The following CAP2 variants were observed in gnomAD, a reference collection of about 807,000 sequenced individuals.
CAP2 encodes the protein cyclase associated actin cytoskeleton regulatory protein 2.
In CAP2, 24 loss-of-function variants were observed where a neutral mutation model predicts 57.7. The ratio of observed to expected loss-of-function variants is 0.42; its 90% CI spans 0.30 to 0.58. The LOEUF is 0.58. CAP2 is among the 20% of genes least tolerant of loss of function. The pLI, the probability that CAP2 is intolerant of heterozygous loss-of-function variation, is 0.22. For synonymous variants in CAP2, 194 were observed against 207.2 expected (o/e 0.94, Z 0.55); for missense variants, 501 against 590.3 (o/e 0.85, Z 1.57).
intron 4 of CAP2, among the ~76,000 whole-genome samples, chr6:17,491,670 T>G (rs371002373): frequency 4.6e-4 from 70 of 152,290 alleles, no homozygotes; most frequent in African/African-American, 1.3e-3. Context: ...GTATTAGCTG[T>G]GGGAGCGAGA....
At chr6:17,415,747 T>A (rs1425613269) in intron 1 of CAP2, among the ~76,000 whole-genome samples, 18 of 152,128 alleles carry the variant, frequency 1.2e-4, no homozygotes, top group African/African-American at 4.3e-4. Flanking sequence ...AGGCAGGTTT[T>A]TAATTGGGCC....
chr6:17,444,864 C>T (rs1458728924), intron 3 of CAP2, among the ~76,000 whole-genome samples: 1 of 149,520 alleles, frequency 6.7e-6, no homozygotes, highest in Non-Finnish European at 1.5e-5. Flanking sequence ...CTGATTTTAT[C>T]ACAGCTGTGA....
intron 3 of CAP2, among the ~76,000 whole-genome samples, chr6:17,442,771 G>A (rs544648225): frequency 6.6e-6 from 1 of 151,238 alleles, no homozygotes; most frequent in African/African-American, 2.4e-5. Flanking sequence ...AGGCTGGAGT[G>A]CAGTGGCAGC....
chr6:17,475,943 T>C (rs138284820), intron 4 of CAP2, among the ~76,000 whole-genome samples: 383 of 152,296 alleles, frequency 2.5e-3, no homozygotes, highest in African/African-American at 9.0e-3. Flanking sequence ...ATCACACAAA[T>C]TGGATTTAAA....
Position 17,426,793 on chromosome 6 carries a change from T to C in CAP2, c.222+103T>C, listed in dbSNP as rs186877048. 181 of 786,432 alleles carry C rather than the reference T, an allele frequency of 2.3e-4. 1 individual carries two copies. The African/African-American group carries it at 2.5e-3, about 11-fold the overall frequency. The allele number at this position is 786,432 out of a possible 1,614,324, so 48.7% of individuals were successfully genotyped here. On this transcript the variant is annotated intron_variant, in intron 3 of 12. Coordinates refer to ENST00000229922, the MANE Select transcript of CAP2 (RefSeq NM_006366.3). ...GGAGATCTTTATTTATTTATTTAGT[T>C]TTTACTCTGGCTAGGCAGATGGTGG...
chr6:17,399,947 C>T (rs1031085216), intron 1 of CAP2, among the ~76,000 whole-genome samples: 2 of 152,090 alleles, frequency 1.3e-5, no homozygotes, highest in Non-Finnish European at 2.9e-5. Context: ...AGTGGCCGGG[C>T]ATGGTGGCTC....
chr6:17,556,240 G>T (rs772455193), intron 12 of CAP2, 119 bp from the exon 13 acceptor site: 1 of 702,924 alleles, frequency 1.4e-6, no homozygotes. Context: ...CAATTCGATC[G>T]AATTTCTTTG....
intron 7 of CAP2, among the ~76,000 whole-genome samples, chr6:17,528,937 C>T (rs981951946): frequency 1.1e-4 from 16 of 152,072 alleles, no homozygotes; most frequent in Non-Finnish European, 2.1e-4. Flanking sequence ...GAAGTGGAGC[C>T]GGGTGCAGTG....
intron 4 of CAP2, among the ~76,000 whole-genome samples, chr6:17,496,166 ATGAAACCC>A (rs1392217858): frequency 2.0e-5 from 3 of 152,128 alleles, no homozygotes; most frequent in Non-Finnish European, 4.4e-5. Flanking sequence ...GCAGGCCTCC[ATGAAACCC>A]TGAAGCTACC....
At chr6:17,449,489 C>T (rs146482921) in intron 3 of CAP2, among the ~76,000 whole-genome samples, 2 of 152,190 alleles carry the variant, frequency 1.3e-5, no homozygotes, top group African/African-American at 4.8e-5. Context: ...TCACTGCAAC[C>T]TCCGCCTCTT....
chr6:17,421,672 T>C lies in CAP2; in HGVS notation c.117T>C (p.Ile39=). Reference sequence around the variant, plus strand: ...ACTGCGGGGAAGTCAATGGTGTCATTGCAGGTAGGGTCACAAACTGTTGTC... The same window carrying C: ...ACTGCGGGGAAGTCAATGGTGTCATCGCAGGTAGGGTCACAAACTGTTGTC... ...PGNCGEVNGV[I]AGVAPSVEAF... Residue 39 remains isoleucine, a synonymous_variant, in exon 2 of 13, where the codon ATT becomes ATC. Transcript: ENST00000229922. 1 of 1,614,208 alleles carries C rather than the reference T, an allele frequency of 6.2e-7. No individual in the cohort carries two copies. The highest frequency in any genetic ancestry group is 1.1e-5 in the South Asian group (1 of 91,086).
At chr6:17,429,707 T>G (rs775649407) in intron 3 of CAP2, among the ~76,000 whole-genome samples, 4 of 151,966 alleles carry the variant, frequency 2.6e-5, no homozygotes, top group African/African-American at 4.8e-5. Flanking sequence ...AGGAAAAGAA[T>G]AGAAGACAGA....
intron 8 of CAP2, among the ~76,000 whole-genome samples, chr6:17,540,212 A>G (rs4716154): frequency 0.49 from 75,022 of 152,014 alleles, 19,370 homozygotes; most frequent in East Asian, 0.72. Flanking sequence ...TCTGGCTCCA[A>G]CTGGTTCTGC....
chr6:17,423,982 T>C (rs775775275), intron 2 of CAP2, among the ~76,000 whole-genome samples: 4 of 152,248 alleles, frequency 2.6e-5, no homozygotes, highest in Non-Finnish European at 5.9e-5. Flanking sequence ...TAGTAAGTTT[T>C]GACAATTTTA....
Position 17,542,855 on chromosome 6 carries a change from A to C in CAP2, c.1021A>C (p.Asn341His). 6.2e-7 allele frequency: 1 copy of C among 1,612,230 alleles called. No homozygotes were observed. Among genetic ancestry groups the C allele is most frequent in the South Asian group, 1.1e-5 (1 of 91,022 alleles). Residue 341 changes from asparagine to histidine, a missense_variant, in exon 10 of 13, where the codon AAT (asparagine) becomes CAT (histidine). Physicochemically the swap from Asn to His is moderately conservative, Grantham distance 68. Transcript: ENST00000229922. ...ATTCTAGGAGTACCAAGAGGACAGG[A>C]ATGACCTTGTGATTTCAGAGACTGA... The part of the protein sequence containing the change: ...KWRVEYQEDR[N>H]DLVISETELK...
chr6:17,482,241 C>T (rs1471154238), intron 4 of CAP2, among the ~76,000 whole-genome samples: 3 of 152,072 alleles, frequency 2.0e-5, no homozygotes, highest in East Asian at 1.9e-4. Flanking sequence ...GAAGTCAAGG[C>T]GTAGGCTGGG....
Position 17,541,080 on chromosome 6 carries a change from T to A in CAP2, c.934T>A (p.Ser312Thr), listed in dbSNP as rs753519113. Residue 312 changes from serine to threonine, a missense_variant, in exon 9 of 13, where the codon TCT becomes ACT. Ser to Thr is a moderately conservative substitution (Grantham distance 58, BLOSUM62 1). Coordinates refer to ENST00000229922, the MANE Select transcript of CAP2 (RefSeq NM_006366.3). ...CAAAAGTCACACTCCAAGTCCCACA[T>A]CTCCTAAATCTTATCCTTCTCAAAA... ...PTKSHTPSPT[S>T]PKSYPSQKHA... The A allele has an allele frequency of 6.2e-7, 1 of 1,614,022 alleles. No homozygotes were observed. Among genetic ancestry groups the A allele is most frequent in the Non-Finnish European group, 8.5e-7 (1 of 1,179,960 alleles).
intron 7 of CAP2, among the ~76,000 whole-genome samples, chr6:17,535,377 C>A (rs1188492211): frequency 6.6e-6 from 1 of 151,228 alleles, no homozygotes; most frequent in Non-Finnish European, 1.5e-5. Context: ...CAGGTTCAAG[C>A]GATTCTCCTG....
intron 3 of CAP2, among the ~76,000 whole-genome samples, chr6:17,428,715 G>A (rs1185268070): frequency 2.0e-5 from 3 of 151,486 alleles, no homozygotes; most frequent in African/African-American, 7.3e-5. Context: ...CATGGCACAT[G>A]TATACATATG....
Sources: gnomAD v4.1 joint callset for allele counts (sites outside exome capture counted in the v4.1 genomes callset) on GRCh38, gnomAD v4.1.1 for gene constraint, MANE v1.5 for transcripts, NCBI Gene and HGNC (gene_info 2026-07-23, HGNC 2026-07-21) for gene names.